Variants in BBS9 observed in about 807,000 individuals in gnomAD.
BBS9 encodes Bardet-Biedl syndrome 9, also known as protein PTHB1.
In BBS9, 89 loss-of-function variants were observed where a neutral mutation model predicts 117.7. The observed-to-expected ratio is 0.76, with a 90% CI of 0.64 to 0.90. BBS9 has a LOEUF of 0.90. Among genes scored for constraint, BBS9 ranks in the 40% least tolerant of loss-of-function variants. The pLI is 0.00. For synonymous variants in BBS9, 379 were observed against 370.9 expected (o/e 1.02, Z -0.25); for missense variants, 982 against 1,042.2 (o/e 0.94, Z 0.80).
At chr7:33,136,019 G>A (rs1397269128) in intron 1 of BBS9, among the ~76,000 whole-genome samples, 1 of 151,898 alleles carries the variant, frequency 6.6e-6, no homozygotes, top group African/African-American at 2.4e-5. Context: ...GAACTCCTGA[G>A]CTGAAGTGAT....
chr7:33,368,531 T>C (rs1440859122), intron 17 of BBS9, among the ~76,000 whole-genome samples: 1 of 151,038 alleles, frequency 6.6e-6, no homozygotes, highest in Non-Finnish European at 1.5e-5. Context: ...TAAAGTAAGA[T>C]ATTAAGAAAG....
chr7:33,254,691 C>T (rs973380261), intron 5 of BBS9, among the ~76,000 whole-genome samples: 2 of 152,102 alleles, frequency 1.3e-5, no homozygotes, highest in Non-Finnish European at 2.9e-5. Context: ...TGGTAAGCAC[C>T]CTGCTACTCT....
chr7:33,521,832 G>A (rs1162870021), intron 20 of BBS9, among the ~76,000 whole-genome samples: 1 of 150,490 alleles, frequency 6.6e-6, no homozygotes, highest in Admixed American at 6.6e-5. Flanking sequence ...TGCCATGCTG[G>A]TGCGCTGCAC....
intron 19 of BBS9, among the ~76,000 whole-genome samples, chr7:33,473,435 T>A (rs1584950573): frequency 6.6e-6 from 1 of 150,944 alleles, no homozygotes; most frequent in East Asian, 2.0e-4. Flanking sequence ...GCAGTTCTCC[T>A]GCCTCAGCCT....
intron 19 of BBS9, among the ~76,000 whole-genome samples, chr7:33,453,457 A>C (rs1838191741): frequency 6.6e-6 from 1 of 151,808 alleles, no homozygotes; most frequent in Non-Finnish European, 1.5e-5. Context: ...GAAGACCATG[A>C]GGATAAAGAC....
intron 19 of BBS9, among the ~76,000 whole-genome samples, chr7:33,428,454 T>G (rs1350616504): frequency 6.6e-6 from 1 of 152,154 alleles, no homozygotes; most frequent in African/African-American, 2.4e-5. Context: ...GTTTTATGGG[T>G]TTCCAGAACT....
At chr7:33,382,590 A>T (rs567675867) in intron 17 of BBS9, among the ~76,000 whole-genome samples, 1 of 152,344 alleles carries the variant, frequency 6.6e-6, no homozygotes, top group South Asian at 2.1e-4. Flanking sequence ...AAGTCTCTAT[A>T]TAAATTCAGG....
intron 7 of BBS9, among the ~76,000 whole-genome samples, chr7:33,271,835 A>C (rs1403690445): frequency 6.6e-6 from 1 of 152,200 alleles, no homozygotes; most frequent in Non-Finnish European, 1.5e-5. Context: ...TCAAGGTCTG[A>C]ACTTAATACT....
Position 33,166,690 on chromosome 7 carries a change from G to T in BBS9, c.329-10788G>T, listed in dbSNP as rs141494117. ...GCCAGGCGTGGGATCCACCTAGCCA[G>T]GCGTGGGATATAATCTCCTGGTGTG... On this transcript the variant is annotated intron_variant, in intron 4 of 22. Coordinates refer to ENST00000242067, the MANE Select transcript of BBS9 (RefSeq NM_198428.3). 6.7e-3 allele frequency among the ~76,000 whole-genome samples: 1,023 copies of T among 152,382 alleles called. 3 individuals are homozygous for T. Among genetic ancestry groups the T allele is most frequent in the Middle Eastern group, 0.024 (7 of 294 alleles).
chr7:33,451,563 T>G (rs966125160), intron 19 of BBS9, among the ~76,000 whole-genome samples: 1 of 152,206 alleles, frequency 6.6e-6, no homozygotes, highest in Non-Finnish European at 1.5e-5. Context: ...CATATCTGTC[T>G]TTATGCCAGT....
chr7:33,442,089 A>T (rs1016635052), intron 19 of BBS9, among the ~76,000 whole-genome samples: 1 of 151,994 alleles, frequency 6.6e-6, no homozygotes, highest in African/African-American at 2.4e-5. Flanking sequence ...ACAGGGTTTC[A>T]CCATGTTGGG....
chr7:33,584,174 C>A (rs1860492895), intron 21 of BBS9, among the ~76,000 whole-genome samples: 1 of 151,890 alleles, frequency 6.6e-6, no homozygotes, highest in African/African-American at 2.4e-5. Context: ...TTATATTTTA[C>A]ATGTATTTTG....
intron 9 of BBS9, among the ~76,000 whole-genome samples, chr7:33,289,625 C>G (rs1803599076): frequency 6.6e-6 from 1 of 152,078 alleles, no homozygotes; most frequent in African/African-American, 2.4e-5. Flanking sequence ...TTCCATTTCT[C>G]TCATCTTCTT....
chr7:33,551,650 G>A (rs1338016767), intron 21 of BBS9, among the ~76,000 whole-genome samples: 2 of 152,142 alleles, frequency 1.3e-5, no homozygotes, highest in African/African-American at 4.8e-5. Flanking sequence ...TGGTAAATCA[G>A]ACTAATCCAA....
intron 21 of BBS9, among the ~76,000 whole-genome samples, chr7:33,559,557 T>C (rs548314164): frequency 2.0e-5 from 3 of 152,282 alleles, no homozygotes; most frequent in South Asian, 4.1e-4. Flanking sequence ...CTTGGGAATA[T>C]GAGACTTAAC....
At chr7:33,215,516 A>C (rs1788884736) in intron 5 of BBS9, among the ~76,000 whole-genome samples, 2 of 152,232 alleles carry the variant, frequency 1.3e-5, no homozygotes, top group Non-Finnish European at 2.9e-5. Context: ...GAACTTAATT[A>C]AGACCTGAAA....
intron 19 of BBS9, among the ~76,000 whole-genome samples, chr7:33,397,195 C>T (rs1459966632): frequency 2.6e-5 from 4 of 152,076 alleles, no homozygotes; most frequent in East Asian, 1.9e-4. Context: ...AAGACATACA[C>T]GTGGCCAGAA....
chr7:33,215,808 C>T (rs1392689280), intron 5 of BBS9, among the ~76,000 whole-genome samples: 4 of 152,188 alleles, frequency 2.6e-5, no homozygotes, highest in Non-Finnish European at 4.4e-5. Flanking sequence ...AAGTAGATCT[C>T]ATGATGACAG....
At chr7:33,529,844 A>G (rs187198458) in intron 20 of BBS9, among the ~76,000 whole-genome samples, 332 of 152,340 alleles carry the variant, frequency 2.2e-3, no homozygotes, top group African/African-American at 7.8e-3. Flanking sequence ...CAAAAATACT[A>G]GTATGATTGA....
Sources: allele counts gnomAD v4.1 joint callset (sites outside exome capture counted in the v4.1 genomes callset), GRCh38; gene constraint gnomAD v4.1.1; transcripts MANE v1.5; gene names NCBI Gene and HGNC (gene_info 2026-07-23, HGNC 2026-07-21).